RAB8A: variants seen among roughly 807,000 people sequenced by gnomAD.
RAB8A encodes ras-related protein Rab-8A.
RAB8A carries 5 observed loss-of-function variants against 29.2 expected under a neutral mutation model. The ratio of observed to expected loss-of-function variants is 0.17; its 90% CI spans 0.09 to 0.36. The LOEUF (loss-of-function observed/expected upper bound fraction) is 0.36, where lower values mean the gene tolerates loss of function less well. Among genes scored for constraint, RAB8A ranks in the 10% least tolerant of loss-of-function variants. The pLI is 1.00. For missense variants in RAB8A, 171 were observed against 272.2 expected, an observed-to-expected ratio of 0.63 and a Z score of 2.62; for synonymous variants, 108 against 99.9, an observed-to-expected ratio of 1.08 and a Z score of -0.49.
At chr19:16,126,655 C>G (rs913438125) in intron 4 of RAB8A, 4 of 152,222 alleles carry the variant, frequency 2.6e-5, no homozygotes, top group Non-Finnish European at 5.9e-5. Context: ...GTGACGGCCT[C>G]GAGTTGCGAC....
At chr19:16,113,709 T>C (rs2090834023) in intron 1 of RAB8A, among the ~76,000 whole-genome samples, 1 of 152,224 alleles carries the variant, frequency 6.6e-6, no homozygotes, top group Non-Finnish European at 1.5e-5. Flanking sequence ...GGAGCTGTGC[T>C]TTATAAAACA....
intron 1 of RAB8A, among the ~76,000 whole-genome samples, chr19:16,113,685 C>T (rs963355605): frequency 6.6e-6 from 1 of 152,226 alleles, no homozygotes; most frequent in African/African-American, 2.4e-5. Flanking sequence ...CAAGCATGAG[C>T]CACCGCACCC....
intron 1 of RAB8A, among the ~76,000 whole-genome samples, chr19:16,117,521 AGGTTAGCTGTGTAACAT>A (rs2090851616): frequency 6.6e-6 from 1 of 150,434 alleles, no homozygotes; most frequent in South Asian, 2.1e-4. Context: ...TTTGGAGCAG[AGGTTAGCTGTGTAACAT>A]GGTTAGGGTT....
At chr19:16,130,023 C>G (rs903621003) in intron 7 of RAB8A, among the ~76,000 whole-genome samples, 1 of 152,150 alleles carries the variant, frequency 6.6e-6, no homozygotes, top group Non-Finnish European at 1.5e-5. Flanking sequence ...AACCTGCCCC[C>G]GCTCCACCCC....
At chr19:16,130,355 C>T (rs542270846) in intron 7 of RAB8A, among the ~76,000 whole-genome samples, 82 of 152,242 alleles carry the variant, frequency 5.4e-4, no homozygotes, top group African/African-American at 1.8e-3. Context: ...GAGGAGCACA[C>T]GGCGCTCTAT....
chr19:16,123,270 T>A (rs2090882821), intron 3 of RAB8A, among the ~76,000 whole-genome samples: 5 of 152,226 alleles, frequency 3.3e-5, no homozygotes, highest in Admixed American at 2.6e-4. Context: ...CCTGAACAGA[T>A]GCCACCACTG....
At position 16,118,300 on chromosome 19, in the gene RAB8A, TTC is replaced by T. The variant is rs911049075; in HGVS notation, c.185+18_185+19del. On this transcript the variant is annotated intron_variant, in intron 2 of 7. Transcript: ENST00000300935. ...ACTGCAGATATGGTAAGAGTCATTGTTCTCTGTCATTCTCTCCACCTGGCAAT... is the reference window on the plus strand; with the variant it reads ...ACTGCAGATATGGTAAGAGTCATTGTTCTGTCATTCTCTCCACCTGGCAAT... 1 of 1,603,648 alleles carries T rather than the reference TTC, an allele frequency of 6.2e-7. No individual in the cohort carries two copies. The highest frequency in any genetic ancestry group is 1.3e-5 in the African/African-American group (1 of 74,758).
intron 2 of RAB8A, among the ~76,000 whole-genome samples, chr19:16,119,961 C>T (rs979678325): frequency 4.6e-5 from 7 of 151,660 alleles, no homozygotes; most frequent in African/African-American, 1.7e-4. Flanking sequence ...TTACAGGTGC[C>T]TGCCACCACG....
intron 2 of RAB8A, 78 bp from the exon 3 acceptor site, chr19:16,121,672 G>T: frequency 7.4e-7 from 1 of 1,344,554 alleles, no homozygotes. Context: ...CAGGCATCCC[G>T]GGTAGATGCT....
chr19:16,114,551 ATTTTTT>A lies in RAB8A; in HGVS notation c.124+2540_124+2545del, dbSNP rs758614217. Among the ~76,000 whole-genome samples the A allele has an allele frequency of 3.4e-5, 4 of 117,748 alleles. 1 individual carries two copies. Among genetic ancestry groups the A allele is most frequent in the South Asian group, 5.5e-4 (2 of 3,638 alleles). The allele number at this position is 117,748 out of a possible 152,430, so 77.2% of individuals were successfully genotyped here. On this transcript the variant is annotated intron_variant, in intron 1 of 7. Coordinates refer to ENST00000300935, the MANE Select transcript of RAB8A (RefSeq NM_005370.5). ...GCCACCATGCCCAGCTAATTTTTGTATTTTTTTTTTTTTTTTTTTAGTAGAGATGGG... is the reference window on the plus strand; with the variant it reads ...GCCACCATGCCCAGCTAATTTTTGTATTTTTTTTTTTTTAGTAGAGATGGG...
At position 16,127,806 on chromosome 19, in the gene RAB8A, C is replaced by T. The variant is rs1016377656; in HGVS notation, c.415-220C>T. The T allele has an allele frequency of 7.3e-5, 46 of 629,758 alleles. 1 individual carries two copies. Among genetic ancestry groups the T allele is most frequent in the Middle Eastern group, 8.4e-4 (2 of 2,386 alleles). The allele number at this position is 629,758 out of a possible 1,614,324, so 39.0% of individuals were successfully genotyped here. On this transcript the variant is annotated intron_variant, in intron 5 of 7. Transcript: ENST00000300935. This position sits in a 1 kb window ranked among gnomAD's most constrained non-coding sequence, Gnocchi z 4.8. ...GATCCCAGCAGGTCCCCGCCACCCT[C>T]CCATCTCAGCTGCCATCCCCAGCAA...
At position 16,125,374 on chromosome 19, in the gene RAB8A, G is replaced by GTGCAGTGGT. The variant is rs2090894905; in HGVS notation, c.247-93_247-92insAGTGGTTGC. 1.8e-6 allele frequency: 2 copies of GTGCAGTGGT among 1,092,396 alleles called. No individual in the cohort carries two copies. Among genetic ancestry groups the GTGCAGTGGT allele is most frequent in the Non-Finnish European group, 2.7e-6 (2 of 736,680 alleles). The allele number at this position is 1,092,396 out of a possible 1,614,324, so 67.7% of individuals were successfully genotyped here. On this transcript the variant is annotated intron_variant, in intron 3 of 7. Coordinates refer to ENST00000300935, the MANE Select transcript of RAB8A (RefSeq NM_005370.5). This position sits in a 1 kb window ranked among gnomAD's most constrained non-coding sequence, Gnocchi z 5.0. ...GCTAATGGGCCTGGCTGTGCAGTGG[G>GTGCAGTGGT]TGCTGGGCTCCCCACCACTGTTCTC... is the stretch of plus-strand genomic sequence containing the variant.
At chr19:16,118,364 C>T in intron 2 of RAB8A, 78 bp downstream of exon 2, 1 of 1,340,702 alleles carries the variant, frequency 7.5e-7, no homozygotes, top group Non-Finnish European at 1.1e-6. Context: ...TCTCCCTCCA[C>T]CGTCCCTGTG....
At chr19:16,120,344 A>C (rs1599396092) in intron 2 of RAB8A, among the ~76,000 whole-genome samples, 4 of 117,688 alleles carry the variant, frequency 3.4e-5, no homozygotes, top group Non-Finnish European at 5.2e-5. Flanking sequence ...ACAAAGTCTC[A>C]CTCTGTCACC....
intron 2 of RAB8A, among the ~76,000 whole-genome samples, chr19:16,120,192 C>T (rs978808001): frequency 6.6e-6 from 1 of 152,142 alleles, no homozygotes; most frequent in Admixed American, 6.6e-5. Flanking sequence ...GGTGTTTCTG[C>T]ACAATCCAGA....
chr19:16,130,117 G>C (rs2090918722), intron 7 of RAB8A, among the ~76,000 whole-genome samples: 1 of 151,492 alleles, frequency 6.6e-6, no homozygotes, highest in Admixed American at 6.6e-5. Flanking sequence ...AAGTCTGCAT[G>C]AATCCCTACC....
At chr19:16,123,199 C>T (rs954521295) in intron 3 of RAB8A, among the ~76,000 whole-genome samples, 3 of 152,228 alleles carry the variant, frequency 2.0e-5, no homozygotes, top group African/African-American at 7.2e-5. Flanking sequence ...GTCTCTAGCA[C>T]CCACATCCTC....
In RAB8A at chr19:16,125,745, C is replaced by T. The variant is rs1233477622; in HGVS notation, c.324+198C>T. ...GACCACACACTGGCCTGGCCCCACC[C>T]CGGAGCCCCTCGGAGCCCATCCCTC... On this transcript the variant is annotated intron_variant, in intron 4 of 7. Coordinates refer to ENST00000300935, the MANE Select transcript of RAB8A (RefSeq NM_005370.5). The surrounding 1 kb of genome is among the most constrained non-coding windows in gnomAD (Gnocchi z 5.0). The T allele has an allele frequency of 1.9e-5, 13 of 690,494 alleles. No homozygotes were observed. Among genetic ancestry groups the T allele is most frequent in the Admixed American group, 6.1e-5 (3 of 49,520 alleles). 42.8% of individuals were successfully genotyped at this position (690,494 alleles called of 1,614,324 possible). A position where few individuals can be genotyped will look rare whatever the true frequency, so the allele number is the denominator to read the frequency against.
At chr19:16,121,698 A>G (rs55692650) in intron 2 of RAB8A, 52 bp from the exon 3 acceptor site, 270,759 of 1,535,530 alleles carry the variant, frequency 0.18, 25,110 homozygotes, top group Middle Eastern at 0.2. Flanking sequence ...TCTCCTACTG[A>G]GGACAGTTAT....
Sources: gnomAD v4.1 joint callset for allele counts (sites outside exome capture counted in the v4.1 genomes callset) on GRCh38, gnomAD v4.1.1 for gene constraint, Gnocchi (gnomAD v3.1) non-coding constraint, MANE v1.5 for transcripts, NCBI Gene and HGNC (gene_info 2026-07-23, HGNC 2026-07-21) for gene names.